KALRN: variants seen among roughly 807,000 people sequenced by gnomAD.
KALRN encodes the protein kalirin RhoGEF kinase.
A neutral mutation model predicts 353.7 loss-of-function variants in KALRN; 70 were observed. The ratio of observed to expected loss-of-function variants is 0.20; its 90% CI spans 0.16 to 0.24. KALRN has a LOEUF of 0.24. Among genes scored for constraint, KALRN ranks in the 10% least tolerant of loss-of-function variants. The pLI is 1.00. For missense variants in KALRN, 2,791 were observed against 3,756.7 expected, an observed-to-expected ratio of 0.74 and a Z score of 6.72; for synonymous variants, 1,391 against 1,434.8, an observed-to-expected ratio of 0.97 and a Z score of 0.69.
intron 34 of KALRN, among the ~76,000 whole-genome samples, chr3:124,600,118 G>C (rs763081207): frequency 3.9e-5 from 6 of 152,238 alleles, no homozygotes; most frequent in Non-Finnish European, 1.5e-5. Flanking sequence ...GACCAGCCGC[G>C]GGGAAAGAAG....
At chr3:124,666,884 C>A in intron 46 of KALRN, 128 bp from the exon 47 acceptor site, 1 of 940,674 alleles carries the variant, frequency 1.1e-6, no homozygotes, top group Non-Finnish European at 1.6e-6. Flanking sequence ...AACCTAAGTA[C>A]TGTCCTGCTA....
At chr3:124,196,640 TACAC>T (rs1009907602) in intron 1 of KALRN, among the ~76,000 whole-genome samples, 7 of 152,188 alleles carry the variant, frequency 4.6e-5, no homozygotes, top group East Asian at 1.9e-4. Context: ...TCTAAATACA[TACAC>T]ACATATATAT....
intron 34 of KALRN, among the ~76,000 whole-genome samples, chr3:124,571,345 G>A (rs997759058): frequency 6.6e-6 from 1 of 152,178 alleles, no homozygotes; most frequent in South Asian, 2.1e-4. Flanking sequence ...CCTTGGATTT[G>A]AGAACTTCAC....
chr3:124,366,852 T>G (rs2084799204), intron 10 of KALRN, among the ~76,000 whole-genome samples: 1 of 135,370 alleles, frequency 7.4e-6, no homozygotes, highest in Non-Finnish European at 1.6e-5. Flanking sequence ...CCCACCTCCC[T>G]CCCGGACGGG....
intron 1 of KALRN, among the ~76,000 whole-genome samples, chr3:124,187,418 A>G (rs1368151956): frequency 6.6e-6 from 1 of 152,202 alleles, no homozygotes; most frequent in African/African-American, 2.4e-5. Flanking sequence ...GAACAGACTA[A>G]TACACCATCC....
chr3:124,637,112 C>A, intron 36 of KALRN, 96 bp from the exon 37 acceptor site: 1 of 1,029,334 alleles, frequency 9.7e-7, no homozygotes, highest in Non-Finnish European at 1.5e-6. Context: ...TGCTTCCCTT[C>A]CCTGGCTTGA....
intron 53 of KALRN, among the ~76,000 whole-genome samples, chr3:124,695,753 A>G (rs796131415): frequency 1.4e-5 from 2 of 146,294 alleles, no homozygotes; most frequent in East Asian, 1.9e-4. Context: ...TTTTTTTTCC[A>G]TCATTCATTA....
rs1377057020 is a variant in KALRN at position 124,446,221 on chromosome 3, A to G, written c.3374A>G (p.Lys1125Arg). Residue 1125 changes from lysine (K) to arginine (R), a missense_variant, in exon 20 of 60, where the codon AAG becomes AGG. Coordinates refer to ENST00000682506, the MANE Select transcript of KALRN (RefSeq NM_001388419.1). ...NRVLHFWTLKKRRLDQCQQYV... is the reference protein window; with the variant it reads ...NRVLHFWTLKRRRLDQCQQYV... ...GTGCTGCATTTCTGGACCTTGAAGAAGCGGCGGTTAGACCAATGCCAGCAA... is the reference window on the plus strand; with the variant it reads ...GTGCTGCATTTCTGGACCTTGAAGAGGCGGCGGTTAGACCAATGCCAGCAA... The G allele has an allele frequency of 6.2e-7, 1 of 1,614,142 alleles. No homozygotes were observed. Among genetic ancestry groups the G allele is most frequent in the Non-Finnish European group, 8.5e-7 (1 of 1,179,988 alleles).
At chr3:124,092,948 A>G (rs776490575) in intron 1 of KALRN, among the ~76,000 whole-genome samples, 4 of 152,310 alleles carry the variant, frequency 2.6e-5, no homozygotes, top group Middle Eastern at 6.8e-3. Context: ...AGGGGTTTGC[A>G]TTCTTGTGTT....
chr3:124,447,263 G>T (rs1377911934), intron 21 of KALRN, among the ~76,000 whole-genome samples: 1 of 152,176 alleles, frequency 6.6e-6, no homozygotes, highest in Non-Finnish European at 1.5e-5. Flanking sequence ...CACTTTGAGT[G>T]GTTTGGGAAG....
Position 124,551,487 on chromosome 3 carries a change from A to G in KALRN, c.4936-11356A>G, listed in dbSNP as rs139167296. Reference sequence around the variant, plus strand: ...TGCCAGCACAGCTGGAGATGGGCTCATGTTGGTGGTGCTCAGCAACTGACC... The same window carrying G: ...TGCCAGCACAGCTGGAGATGGGCTCGTGTTGGTGGTGCTCAGCAACTGACC... On this transcript the variant is annotated intron_variant, in intron 33 of 59. Transcript: ENST00000682506. Among the ~76,000 whole-genome samples, 357 of 152,274 alleles carry G rather than the reference A, an allele frequency of 2.3e-3. 2 individuals carry two copies. Among genetic ancestry groups the G allele is most frequent in the African/African-American group, 7.7e-3 (318 of 41,552 alleles).
At chr3:124,549,647 G>T (rs1577904607) in intron 33 of KALRN, among the ~76,000 whole-genome samples, 2 of 152,130 alleles carry the variant, frequency 1.3e-5, no homozygotes, top group Admixed American at 1.3e-4. Flanking sequence ...TCCAAAATAT[G>T]TCCTTCTCAC....
chr3:124,559,341 T>C lies in KALRN; in HGVS notation c.4936-3502T>C, dbSNP rs143777161. ...AGACTGGGAAAGTAAGGACAAGGAG[T>C]TGGATGGTGACTCAGCAGCAGGCAC... On this transcript the variant is annotated intron_variant, in intron 33 of 59. Transcript: ENST00000682506. Among the ~76,000 whole-genome samples, 1,043 of 151,362 alleles carry C rather than the reference T, an allele frequency of 6.9e-3. 14 individuals carry two copies. The highest frequency in any genetic ancestry group is 0.027 in the Middle Eastern group (8 of 294).
chr3:124,660,801 G>T (rs2084768538), intron 43 of KALRN, 122 bp from the exon 44 acceptor site: 1 of 699,982 alleles, frequency 1.4e-6, no homozygotes, highest in South Asian at 1.6e-5. Context: ...CTACACCATT[G>T]CCACTTCTGC....
Position 124,477,327 on chromosome 3 carries a change from T to A in KALRN, c.4184T>A (p.Phe1395Tyr), listed in dbSNP as rs764898643. The change falls in exon 27 of 60, where the codon TTC (phenylalanine) becomes TAC (tyrosine). Residue 1395 changes from phenylalanine (F) to tyrosine (Y), a missense_variant. Physicochemically the swap from Phe to Tyr is conservative, Grantham distance 22. Coordinates refer to ENST00000682506, the MANE Select transcript of KALRN (RefSeq NM_001388419.1). ...CTTATCCTGGAGCATGCGGGCACCT[T>A]CTTTGATGTAAGCTGTGTTTTCCAT... ...NQLILEHAGT[F>Y]FDEIQQRHGL... is the part of the protein sequence containing the mutation. 7.4e-6 allele frequency: 12 copies of A among 1,612,368 alleles called. No individual in the cohort carries two copies. The highest frequency in any genetic ancestry group is 1.7e-6 in the Non-Finnish European group (2 of 1,178,622).
chr3:124,703,752 G>A (rs758815070), intron 57 of KALRN, among the ~76,000 whole-genome samples: 8 of 152,094 alleles, frequency 5.3e-5, no homozygotes, highest in Non-Finnish European at 8.8e-5. Flanking sequence ...ATCCTCCCAC[G>A]CTTGCGGGGA....
chr3:124,122,772 C>A (rs191519333), intron 1 of KALRN, among the ~76,000 whole-genome samples: 1 of 152,066 alleles, frequency 6.6e-6, no homozygotes, highest in African/African-American at 2.4e-5. Flanking sequence ...TTCCCTGAGA[C>A]GCAATAATAT....
At chr3:124,479,825 G>A (rs2061796564) in intron 27 of KALRN, among the ~76,000 whole-genome samples, 2 of 145,724 alleles carry the variant, frequency 1.4e-5, no homozygotes, top group South Asian at 2.3e-4. Context: ...CTGGGTTCAC[G>A]CCATTCTCCC....
chr3:124,111,638 C>G lies in KALRN; in HGVS notation c.73+77825C>G, dbSNP rs181575008. 1.8e-3 allele frequency among the ~76,000 whole-genome samples: 271 copies of G among 152,252 alleles called. 1 individual carries two copies. The highest frequency in any genetic ancestry group is 6.8e-3 in the Middle Eastern group (2 of 294). On this transcript the variant is annotated intron_variant, in intron 1 of 59. Coordinates refer to ENST00000682506, the MANE Select transcript of KALRN (RefSeq NM_001388419.1). Reference sequence around the variant, plus strand: ...TCATGGTTCTTGTTCTACTTTGAGACCTACGTGCTCTGAATGGTGCAAGAA... The same window carrying G: ...TCATGGTTCTTGTTCTACTTTGAGAGCTACGTGCTCTGAATGGTGCAAGAA...
Sources: gnomAD v4.1 joint callset for allele counts (sites outside exome capture counted in the v4.1 genomes callset) on GRCh38, gnomAD v4.1.1 for gene constraint, MANE v1.5 for transcripts, NCBI Gene and HGNC (gene_info 2026-07-23, HGNC 2026-07-21) for gene names.